The following DOCK7 variants were observed in gnomAD, a reference collection of about 807,000 sequenced individuals.
DOCK7 encodes dedicator of cytokinesis protein 7.
A neutral mutation model predicts 271.0 loss-of-function variants in DOCK7; 138 were observed. That is an observed-to-expected ratio of 0.51 (90% CI 0.44 to 0.59). DOCK7 has a LOEUF of 0.59. DOCK7 is among the 20% of genes least tolerant of loss of function. The probability of loss-of-function intolerance (pLI) is 0.00; values close to 1 mark genes in which losing one functional copy is unlikely to be tolerated. For synonymous variants in DOCK7, 823 were observed against 876.1 expected (o/e 0.94, Z 1.07); for missense variants, 2,066 against 2,592.4 (o/e 0.80, Z 4.41).
At chr1:62,541,469 A>G (rs546766899) in intron 25 of DOCK7, among the ~76,000 whole-genome samples, 3 of 152,342 alleles carry the variant, frequency 2.0e-5, no homozygotes, top group Admixed American at 6.5e-5. Context: ...CTCCTGAGAC[A>G]GCAAAACCAA....
At chr1:62,579,084 CA>C in intron 16 of DOCK7, 118 bp from the exon 17 acceptor site, 2 of 1,015,134 alleles carry the variant, frequency 2.0e-6, no homozygotes, top group Non-Finnish European at 1.3e-6. Flanking sequence ...TCCTCTAGTC[CA>C]AAATATTTTT....
At chr1:62,602,624 C>A (rs569040007) in intron 14 of DOCK7, among the ~76,000 whole-genome samples, 210 of 151,708 alleles carry the variant, frequency 1.4e-3, no homozygotes, top group Middle Eastern at 6.8e-3. Flanking sequence ...CAATTTAATT[C>A]CACGGCTTAC....
chr1:62,586,635 A>C lies in DOCK7; in HGVS notation c.1683-11T>G, dbSNP rs1370976438. 1.5e-5 allele frequency: 22 copies of C among 1,509,248 alleles called. No individual in the cohort carries two copies. Among genetic ancestry groups the C allele is most frequent in the Middle Eastern group, 1.7e-4 (1 of 5,920 alleles). 93.5% of individuals were successfully genotyped at this position (1,509,248 alleles called of 1,614,324 possible). On this transcript the variant is annotated splice_polypyrimidine_tract_variant and intron_variant, in intron 14 of 49. Coordinates refer to ENST00000635253, the MANE Select transcript of DOCK7 (RefSeq NM_001367561.1). ...ATGTAGAGAAGATTTCTGTGAAAGC[A>C]ACAGTATAGATGATAGTAAATACAT... is the stretch of plus-strand genomic sequence containing the variant.
At chr1:62,501,095 C>T (rs1462221523) in intron 37 of DOCK7, among the ~76,000 whole-genome samples, 1 of 152,240 alleles carries the variant, frequency 6.6e-6, no homozygotes, top group East Asian at 1.9e-4. Flanking sequence ...TACCTGCAGT[C>T]CCAGCACTTT....
At chr1:62,548,575 C>T (rs1386265158) in intron 22 of DOCK7, among the ~76,000 whole-genome samples, 1 of 152,076 alleles carries the variant, frequency 6.6e-6, no homozygotes, top group Non-Finnish European at 1.5e-5. Flanking sequence ...CATGCACCAC[C>T]ACACCCAGCT....
chr1:62,577,755 T>G (rs1001168564), intron 17 of DOCK7, among the ~76,000 whole-genome samples: 7 of 152,198 alleles, frequency 4.6e-5, no homozygotes, highest in Non-Finnish European at 1.5e-5. Flanking sequence ...TAAATTTATT[T>G]TCTTACAGTT....
chr1:62,496,211 CATG>C, intron 38 of DOCK7, 125 bp downstream of exon 38: 1 of 979,770 alleles, frequency 1.0e-6, no homozygotes, highest in Non-Finnish European at 1.6e-6. Flanking sequence ...ATCTATGGCA[CATG>C]ATGTGTGGAT....
rs555857999 is a variant in DOCK7 at position 62,685,854 on chromosome 1, CAATCACT to C, written c.38+2366_38+2372del. Among the ~76,000 whole-genome samples the C allele has an allele frequency of 4.6e-5, 7 of 152,316 alleles. No individual in the cohort carries two copies. In the South Asian group the frequency reaches 1.5e-3, roughly 32 times the overall value. ...CGCCTCACCTTGCATGTCCAATCAC[CAATCACT>C]ACCATATCCACCTCCTGTCTGTCCA... On this transcript the variant is annotated intron_variant, in intron 1 of 49. Coordinates refer to ENST00000635253, the MANE Select transcript of DOCK7 (RefSeq NM_001367561.1).
intron 14 of DOCK7, among the ~76,000 whole-genome samples, chr1:62,589,505 AC>A (rs1163672644): frequency 5.9e-5 from 9 of 152,032 alleles, no homozygotes; most frequent in Admixed American, 5.9e-4. Flanking sequence ...CAGTCATTTT[AC>A]CAAGAAGCTG....
At chr1:62,585,010 C>T in intron 15 of DOCK7, 1 of 456,988 alleles carries the variant, frequency 2.2e-6, no homozygotes, top group South Asian at 4.5e-5. Context: ...ATAGGCTGAC[C>T]AAGTATCTAT....
intron 14 of DOCK7, among the ~76,000 whole-genome samples, chr1:62,606,778 C>T (rs1255475816): frequency 2.0e-5 from 3 of 152,118 alleles, no homozygotes; most frequent in East Asian, 1.9e-4. Context: ...TCTGCTCTCA[C>T]GGACTCCTTT....
At chr1:62,486,790 G>T (rs1216839785) in intron 43 of DOCK7, 1 of 152,020 alleles carries the variant, frequency 6.6e-6, no homozygotes, top group Non-Finnish European at 1.5e-5. Context: ...CATAGTCAAG[G>T]TGAAGTGACT....
intron 31 of DOCK7, among the ~76,000 whole-genome samples, chr1:62,520,222 A>T (rs977404748): frequency 2.4e-4 from 36 of 152,236 alleles, no homozygotes; most frequent in Non-Finnish European, 4.0e-4. Flanking sequence ...CACCAAAAGC[A>T]ATGGCAACAA....
intron 12 of DOCK7, 188 bp downstream of exon 12, chr1:62,625,071 C>A: frequency 2.2e-6 from 1 of 448,296 alleles, no homozygotes; most frequent in Non-Finnish European, 3.8e-6. Context: ...AAATATAATG[C>A]TAAAATAATA....
intron 2 of DOCK7, among the ~76,000 whole-genome samples, chr1:62,660,189 A>C (rs1299005928): frequency 1.3e-5 from 2 of 152,196 alleles, no homozygotes. Flanking sequence ...AAACTTCAAC[A>C]AATTTAAAAA....
Position 62,619,946 on chromosome 1 carries a change from A to G in DOCK7, c.1473T>C (p.Asp491=), listed in dbSNP as rs769453325. 2 of 1,613,890 alleles carry G rather than the reference A, an allele frequency of 1.2e-6. No homozygotes were observed. The highest frequency in any genetic ancestry group is 1.7e-6 in the Non-Finnish European group (2 of 1,179,864). ...GTAAGACAGAAGATGGCCTTCTCAT[A>G]TCAGCAAGGAATTTGTAGAGATCTT... The part of the protein sequence containing the change: ...SDEDLYKFLA[D]MRRPSSVLRR... The change falls in exon 13 of 50, where the codon GAT becomes GAC. Residue 491 remains aspartate (D), a synonymous_variant. Coordinates refer to ENST00000635253, the MANE Select transcript of DOCK7 (RefSeq NM_001367561.1).
intron 14 of DOCK7, among the ~76,000 whole-genome samples, chr1:62,589,215 T>C (rs1305135567): frequency 1.3e-5 from 2 of 152,236 alleles, no homozygotes; most frequent in Admixed American, 6.5e-5. Flanking sequence ...TTCCATTACC[T>C]GCCAGTTTGC....
At chr1:62,552,675 T>G in intron 22 of DOCK7, 57 bp downstream of exon 22, 1 of 1,502,658 alleles carries the variant, frequency 6.7e-7, no homozygotes, top group South Asian at 1.4e-5. Context: ...CAACTGGATA[T>G]TTCTCGTTTG....
intron 1 of DOCK7, among the ~76,000 whole-genome samples, chr1:62,664,838 C>A (rs1482506639): frequency 6.7e-6 from 1 of 149,858 alleles, no homozygotes; most frequent in Non-Finnish European, 1.5e-5. Context: ...ACCAAAGCAC[C>A]AAGAAAACAA....
Sources: allele counts gnomAD v4.1 joint callset (sites outside exome capture counted in the v4.1 genomes callset), GRCh38; gene constraint gnomAD v4.1.1; transcripts MANE v1.5; gene names NCBI Gene and HGNC (gene_info 2026-07-23, HGNC 2026-07-21).